RNF216: variants seen among roughly 807,000 people sequenced by gnomAD.
RNF216 encodes E3 ubiquitin-protein ligase RNF216.
In RNF216, 72 loss-of-function variants were observed where a neutral mutation model predicts 110.8. The ratio of observed to expected loss-of-function variants is 0.65; its 90% CI spans 0.54 to 0.79. RNF216 has a LOEUF of 0.79. RNF216 is among the 30% of genes least tolerant of loss of function. The pLI is 0.00. For synonymous variants in RNF216, 495 were observed against 407.5 expected (o/e 1.21, Z -2.59); for missense variants, 1,342 against 1,141.2 (o/e 1.18, Z -2.54).
intron 1 of RNF216, among the ~76,000 whole-genome samples, chr7:5,766,144 G>A (rs1003266464): frequency 2.6e-5 from 4 of 151,678 alleles, no homozygotes; most frequent in African/African-American, 9.7e-5. Context: ...TAAAAAACTA[G>A]CTGCGCGGGG....
intron 13 of RNF216, among the ~76,000 whole-genome samples, chr7:5,660,266 T>TTTTTTTTTTTTTTTTTTG: frequency 1.5e-4 from 1 of 6,700 alleles, no homozygotes; most frequent in Non-Finnish European, 2.4e-4. Flanking sequence ...TTTTAAATTC[T>TTTTTTTTTTTTTTTTTTG]TTTTTTTTTT....
At chr7:5,688,983 C>G (rs142138967) in intron 13 of RNF216, among the ~76,000 whole-genome samples, 2 of 152,146 alleles carry the variant, frequency 1.3e-5, no homozygotes, top group Non-Finnish European at 2.9e-5. Context: ...AGGAAATACT[C>G]CTTTTTCTTC....
chr7:5,752,466 T>C lies in RNF216; in HGVS notation c.201+380A>G, dbSNP rs1270406307. Among the ~76,000 whole-genome samples, 3 of 152,172 alleles carry C rather than the reference T, an allele frequency of 2.0e-5. No homozygotes were observed. In the East Asian group the frequency reaches 5.8e-4, roughly 29 times the overall value. On this transcript the variant is annotated intron_variant, in intron 3 of 16. Transcript: ENST00000389902. ...TGATTATATATATATCTTTATATTTTGGAACTAAAGAAGTTGATTGTAAAA... is the reference window on the plus strand; with the variant it reads ...TGATTATATATATATCTTTATATTTCGGAACTAAAGAAGTTGATTGTAAAA...
chr7:5,654,606 G>C (rs1788612450), intron 13 of RNF216, among the ~76,000 whole-genome samples: 1 of 141,310 alleles, frequency 7.1e-6, no homozygotes, highest in Non-Finnish European at 1.5e-5. Flanking sequence ...AGAATCACTT[G>C]AACCTGGCAG....
At chr7:5,735,151 A>C (rs1187184046) in intron 5 of RNF216, among the ~76,000 whole-genome samples, 2 of 152,292 alleles carry the variant, frequency 1.3e-5, no homozygotes, top group East Asian at 1.9e-4. Flanking sequence ...GTCTCAAAAA[A>C]AATAAATAAA....
intron 13 of RNF216, among the ~76,000 whole-genome samples, chr7:5,660,911 A>G: frequency 6.9e-6 from 1 of 144,118 alleles, no homozygotes; most frequent in African/African-American, 2.7e-5. Flanking sequence ...CCTGCTTTTC[A>G]CAGTACTAGC....
At chr7:5,746,444 T>C (rs1166511301) in intron 3 of RNF216, among the ~76,000 whole-genome samples, 1 of 151,984 alleles carries the variant, frequency 6.6e-6, no homozygotes, top group Non-Finnish European at 1.5e-5. Flanking sequence ...CATACAGGGG[T>C]GCAGTTTTAA....
chr7:5,632,175 T>G (rs1787114626), intron 15 of RNF216, among the ~76,000 whole-genome samples: 1 of 152,226 alleles, frequency 6.6e-6, no homozygotes, highest in African/African-American at 2.4e-5. Flanking sequence ...GAGTTCCTGT[T>G]CATGCCATTT....
intron 7 of RNF216, among the ~76,000 whole-genome samples, chr7:5,726,491 C>G (rs1793760908): frequency 6.6e-6 from 1 of 152,174 alleles, no homozygotes; most frequent in Admixed American, 6.5e-5. Flanking sequence ...CAAAATCCTT[C>G]CACTGGTGAG....
chr7:5,735,038 C>G lies in RNF216; in HGVS notation c.1122-4221G>C, dbSNP rs187283285. Among the ~76,000 whole-genome samples the G allele has an allele frequency of 1.6e-3, 246 of 151,816 alleles. 3 individuals carry two copies. Among genetic ancestry groups the G allele is most frequent in the African/African-American group, 5.2e-3 (216 of 41,406 alleles). ...GTGGGCACCTGTAATCCAAGCTACT[C>G]AGGAGGCTGAGGCAGAAGAATCGCT... On this transcript the variant is annotated intron_variant, in intron 5 of 16. Coordinates refer to ENST00000389902, the MANE Select transcript of RNF216 (RefSeq NM_207111.4).
chr7:5,665,817 G>A (rs377062060), intron 13 of RNF216, among the ~76,000 whole-genome samples: 9 of 152,092 alleles, frequency 5.9e-5, no homozygotes, highest in South Asian at 2.1e-4. Context: ...CAGAATCACC[G>A]AGACTATATC....
At chr7:5,741,913 CA>C in intron 3 of RNF216, 98 bp from the exon 4 acceptor site, 2 of 1,237,862 alleles carry the variant, frequency 1.6e-6, no homozygotes, top group Non-Finnish European at 2.2e-6. Flanking sequence ...AGGAAAGAAA[CA>C]AAAACACCAT....
chr7:5,780,277 C>T (rs933406724), intron 1 of RNF216: 5 of 152,170 alleles, frequency 3.3e-5, no homozygotes, highest in Non-Finnish European at 5.9e-5. Flanking sequence ...CCTGGCCAGG[C>T]TGGAGCCAGG....
intron 5 of RNF216, chr7:5,733,036 C>G (rs187009937): frequency 1.2e-4 from 19 of 152,318 alleles, no homozygotes; most frequent in African/African-American, 4.6e-4. Context: ...ATCTGAAGGC[C>G]ATTTAAAGAT....
chr7:5,631,080 A>G (rs889384034), intron 15 of RNF216, among the ~76,000 whole-genome samples: 1 of 152,176 alleles, frequency 6.6e-6, no homozygotes, highest in Non-Finnish European at 1.5e-5. Context: ...TTCTGAGAAG[A>G]GCAGAATTCT....
At chr7:5,636,594 T>G (rs1461715943) in intron 15 of RNF216, among the ~76,000 whole-genome samples, 1 of 152,144 alleles carries the variant, frequency 6.6e-6, no homozygotes, top group East Asian at 1.9e-4. Flanking sequence ...TCACTGAACT[T>G]CTGAATGGCT....
At chr7:5,779,401 T>A (rs968818495) in intron 1 of RNF216, among the ~76,000 whole-genome samples, 3 of 151,950 alleles carry the variant, frequency 2.0e-5, no homozygotes, top group Non-Finnish European at 4.4e-5. Flanking sequence ...AATCCACCAC[T>A]ACTCCCCACA....
At chr7:5,650,865 G>A (rs145111269) in intron 14 of RNF216, among the ~76,000 whole-genome samples, 2,671 of 152,182 alleles carry the variant, frequency 0.018, 37 homozygotes, top group Non-Finnish European at 0.028. Context: ...GAGAATAATG[G>A]TACCCACCTG....
At chr7:5,672,469 T>C (rs1028133490) in intron 13 of RNF216, among the ~76,000 whole-genome samples, 11 of 152,312 alleles carry the variant, frequency 7.2e-5, no homozygotes, top group Non-Finnish European at 1.5e-4. Flanking sequence ...ACACATGATG[T>C]AGTGCTTGTA....
Sources: gnomAD v4.1 joint callset for allele counts (sites outside exome capture counted in the v4.1 genomes callset) on GRCh38, gnomAD v4.1.1 for gene constraint, MANE v1.5 for transcripts, NCBI Gene and HGNC (gene_info 2026-07-23, HGNC 2026-07-21) for gene names.